TRIM67: variants seen among roughly 807,000 people sequenced by gnomAD.
The protein encoded by TRIM67 is tripartite motif containing 67.
A neutral mutation model predicts 71.0 loss-of-function variants in TRIM67; 39 were observed. The observed-to-expected ratio is 0.55, with a 90% CI of 0.43 to 0.72. The LOEUF (loss-of-function observed/expected upper bound fraction) is 0.72, where lower values mean the gene tolerates loss of function less well. Among genes scored for constraint, TRIM67 ranks in the 30% least tolerant of loss-of-function variants. The pLI is 0.00. For missense variants in TRIM67, 973 were observed against 1,079.2 expected (o/e 0.90, Z 1.38); for synonymous variants, 481 against 473.9 (o/e 1.01, Z -0.19).
intron 1 of TRIM67, among the ~76,000 whole-genome samples, chr1:231,187,968 G>A (rs920346276): frequency 1.3e-5 from 2 of 152,116 alleles, no homozygotes; most frequent in Non-Finnish European, 2.9e-5. Flanking sequence ...CTGTTCTTTC[G>A]TGTTCTCTCC....
At chr1:231,211,935 G>T (rs1018167274) in intron 8 of TRIM67, among the ~76,000 whole-genome samples, 1 of 152,136 alleles carries the variant, frequency 6.6e-6, no homozygotes, top group Non-Finnish European at 1.5e-5. Context: ...AATTAGCCGG[G>T]CATGGTGTGT....
chr1:231,216,193 GCT>G lies in TRIM67; in HGVS notation c.*760_*761del, dbSNP rs763242110. ...CTCTCTCTCCTTCCTTCCCTCCTTT[GCT>G]CTCTCTTTCTTCCTTTCCTCCTTCT... On this transcript the variant is annotated 3_prime_UTR_variant, in exon 10 of 10. Transcript: ENST00000366653. The G allele has an allele frequency of 7.6e-5, 71 of 932,794 alleles. No homozygotes were observed. The highest frequency in any genetic ancestry group is 8.6e-5 in the Non-Finnish European group (68 of 788,174). The allele number at this position is 932,794 out of a possible 1,614,324, so 57.8% of individuals were successfully genotyped here.
At position 231,192,667 on chromosome 1, in the gene TRIM67, G is replaced by A. The variant is rs555330425; in HGVS notation, c.1045-4704G>A. On this transcript the variant is annotated intron_variant, in intron 1 of 9. Coordinates refer to ENST00000366653, the MANE Select transcript of TRIM67 (RefSeq NM_001004342.5). Reference sequence around the variant, plus strand: ...GTGTGTGCTTATGAGGACATCCCTCGACAGCGGCTAGCCCTCACACTGCCC... The same window carrying A: ...GTGTGTGCTTATGAGGACATCCCTCAACAGCGGCTAGCCCTCACACTGCCC... Among the ~76,000 whole-genome samples, 10 of 152,344 alleles carry A rather than the reference G, an allele frequency of 6.6e-5. No individual in the cohort carries two copies. In the South Asian group the frequency reaches 1.0e-3, roughly 16 times the overall value.
intron 1 of TRIM67, among the ~76,000 whole-genome samples, chr1:231,181,577 A>G (rs972279306): frequency 1.6e-4 from 24 of 152,246 alleles, no homozygotes; most frequent in Non-Finnish European, 3.4e-4. Flanking sequence ...TCATTGGCCA[A>G]AATGTTTCTA....
intron 2 of TRIM67, 36 bp downstream of exon 2, chr1:231,197,502 T>C (rs1422154803): frequency 1.3e-6 from 2 of 1,593,404 alleles, no homozygotes; most frequent in East Asian, 2.2e-5. Flanking sequence ...AAATACTCAG[T>C]GTTGAAAGTT....
In TRIM67 at chr1:231,219,573, C is replaced by A. The variant is rs1231167057; in HGVS notation, c.*4133C>A. The A allele has an allele frequency of 9.1e-7, 1 of 1,101,690 alleles. No individual in the cohort carries two copies. The highest frequency in any genetic ancestry group is 7.9e-5 in the East Asian group (1 of 12,668). 68.2% of individuals were successfully genotyped at this position (1,101,690 alleles called of 1,614,324 possible). ...CAACCTGTTGGGTCTTGAATTTTCA[C>A]TCACTGAAGATGCCCCCTGCCCGCT... On this transcript the variant is annotated 3_prime_UTR_variant, in exon 10 of 10. Transcript: ENST00000366653.
intron 1 of TRIM67, chr1:231,187,498 T>TAA (rs370215367): frequency 2.5e-4 from 287 of 1,136,776 alleles, no homozygotes; most frequent in Admixed American, 5.7e-4. Context: ...AGCCACAGGT[T>TAA]AAAAAAAAAA....
At chr1:231,207,001 C>T (rs970748255) in intron 7 of TRIM67, among the ~76,000 whole-genome samples, 3 of 152,144 alleles carry the variant, frequency 2.0e-5, no homozygotes, top group African/African-American at 4.8e-5. Context: ...CATTTCATCC[C>T]GTGGACCAGG....
chr1:231,194,136 T>C (rs1398823362), intron 1 of TRIM67, among the ~76,000 whole-genome samples: 1 of 152,210 alleles, frequency 6.6e-6, no homozygotes, highest in Non-Finnish European at 1.5e-5. Context: ...GTCTGTGTGT[T>C]CTGTTGCTGC....
chr1:231,195,143 T>C (rs1027071593), intron 1 of TRIM67, among the ~76,000 whole-genome samples: 1 of 152,168 alleles, frequency 6.6e-6, no homozygotes, highest in Non-Finnish European at 1.5e-5. Flanking sequence ...AGAGACAGGA[T>C]GTAAGCCATG....
At chr1:231,170,847 T>C (rs899956450) in intron 1 of TRIM67, among the ~76,000 whole-genome samples, 1 of 152,250 alleles carries the variant, frequency 6.6e-6, no homozygotes. Flanking sequence ...GTATTTACTA[T>C]CTGGCCCTTC....
rs187816619 is a variant in TRIM67, at chr1:231,181,205, C to A, written c.1045-16166C>A. The stretch of plus-strand genomic sequence containing the variant: ...GGTCTCGATGTCTTGACATCGTGAT[C>A]CACCCTCTTCGGCCTCCCAAAGTGC... On this transcript the variant is annotated intron_variant, in intron 1 of 9. Coordinates refer to ENST00000366653, the MANE Select transcript of TRIM67 (RefSeq NM_001004342.5). 2.4e-4 allele frequency among the ~76,000 whole-genome samples: 36 copies of A among 152,278 alleles called. No individual in the cohort carries two copies. In the East Asian group the frequency reaches 3.9e-3, roughly 16 times the overall value.
chr1:231,167,773 C>T (rs1490785748), intron 1 of TRIM67, among the ~76,000 whole-genome samples: 1 of 152,066 alleles, frequency 6.6e-6, no homozygotes, highest in Non-Finnish European at 1.5e-5. Flanking sequence ...CGTCTTAAGG[C>T]TCTGCCAAAG....
Position 231,201,426 on chromosome 1 carries a change from G to C in TRIM67, c.1443G>C (p.Pro481=). The C allele has an allele frequency of 3.1e-6, 5 of 1,613,526 alleles. 1 individual carries two copies. Among genetic ancestry groups the C allele is most frequent in the Non-Finnish European group, 4.2e-6 (5 of 1,179,704 alleles). Reference sequence around the variant, plus strand: ...AGTGGGTCAAAGGCGCCCTGGAGCCGAAAGTGTCTGCGGAGTTTGATCTGA... The same window carrying C: ...AGTGGGTCAAAGGCGCCCTGGAGCCCAAAGTGTCTGCGGAGTTTGATCTGA... ...QEQWVKGALE[P]KVSAEFDLTL... is the part of the protein sequence containing the mutation. The change falls in exon 5 of 10, where the codon CCG becomes CCC. Residue 481 remains proline (P), a synonymous_variant. Transcript: ENST00000366653.
At position 231,163,089 on chromosome 1, in the gene TRIM67, C is replaced by A. The variant is rs754203819; in HGVS notation, c.120C>A (p.Asp40Glu). ...GCACCATCGCGGTGCAGACCCCGGACGGTGAGCAGCACCTGCCCCAGCCGC... is the reference window on the plus strand; with the variant it reads ...GCACCATCGCGGTGCAGACCCCGGAAGGTGAGCAGCACCTGCCCCAGCCGC... ...CARTIAVQTP[D>E]GEQHLPQPLL... The change falls in exon 1 of 10, where the codon GAC (aspartate) becomes GAA (glutamate). Residue 40 changes from aspartate (D) to glutamate (E), a missense_variant. Physicochemically the swap from Asp to Glu is conservative, Grantham distance 45. Coordinates refer to ENST00000366653, the MANE Select transcript of TRIM67 (RefSeq NM_001004342.5). The A allele has an allele frequency of 6.3e-7, 1 of 1,582,506 alleles. No homozygotes were observed. The highest frequency in any genetic ancestry group is 8.6e-7 in the Non-Finnish European group (1 of 1,166,102).
Position 231,163,204 on chromosome 1 carries a change from G to T in TRIM67, c.235G>T (p.Gly79Cys). 2.0e-6 allele frequency: 3 copies of T among 1,483,024 alleles called. No homozygotes were observed. Among genetic ancestry groups the T allele is most frequent in the Non-Finnish European group, 1.8e-6 (2 of 1,119,482 alleles). 91.9% of individuals were successfully genotyped at this position (1,483,024 alleles called of 1,614,324 possible). The part of the protein sequence containing the change: ...HDAAAGPACG[G>C]AGGSAAGGLG... ...CGCTGCGGCTGGCCCGGCCTGCGGC[G>T]GTGCAGGCGGGAGTGCAGCTGGCGG... The change falls in exon 1 of 10, where the codon GGT becomes TGT. Residue 79 changes from glycine to cysteine, a missense_variant. This residue lies in a region of TRIM67 where 795 missense variants were observed against 831.3 expected (regional missense o/e 0.96). Transcript: ENST00000366653.
intron 1 of TRIM67, among the ~76,000 whole-genome samples, chr1:231,185,547 G>A (rs905533409): frequency 6.6e-6 from 1 of 151,776 alleles, no homozygotes; most frequent in African/African-American, 2.4e-5. Flanking sequence ...GAGACACAGA[G>A]GATGCCTTGG....
chr1:231,209,929 G>A lies in TRIM67; in HGVS notation c.2123+679G>A, dbSNP rs999477446. ...AGGGCAGATGGGGATGGGTCCTCCA[G>A]GGCTGCCCCTGAGGCCTGGGCTTCT... On this transcript the variant is annotated intron_variant, in intron 8 of 9. Coordinates refer to ENST00000366653, the MANE Select transcript of TRIM67 (RefSeq NM_001004342.5). This position sits in a 1 kb window ranked among gnomAD's most constrained non-coding sequence, Gnocchi z 4.1. Among the ~76,000 whole-genome samples, 1 of 152,158 alleles carries A rather than the reference G, an allele frequency of 6.6e-6. No homozygotes were observed. Among genetic ancestry groups the A allele is most frequent in the African/African-American group, 2.4e-5 (1 of 41,432 alleles).
At chr1:231,169,121 T>C in intron 1 of TRIM67, among the ~76,000 whole-genome samples, 1 of 152,154 alleles carries the variant, frequency 6.6e-6, no homozygotes, top group East Asian at 1.9e-4. Context: ...GCAATGGCGC[T>C]ACTCAGCTCA....
Sources: gnomAD v4.1 joint callset for allele counts (sites outside exome capture counted in the v4.1 genomes callset) on GRCh38, gnomAD v4.1.1 for gene constraint, gnomAD v4.1.1 regional missense constraint, Gnocchi (gnomAD v3.1) non-coding constraint, MANE v1.5 for transcripts, NCBI Gene and HGNC (gene_info 2026-07-23, HGNC 2026-07-21) for gene names.